MSC: variants seen among roughly 807,000 people sequenced by gnomAD.
MSC encodes activated B-cell factor 1, homolog of mouse musculin.
A neutral mutation model predicts 14.4 loss-of-function variants in MSC; 16 were observed. The observed-to-expected ratio is 1.11, with a 90% CI of 0.75 to 1.69. The LOEUF (loss-of-function observed/expected upper bound fraction) is 1.69, where lower values mean the gene tolerates loss of function less well. Among genes scored for constraint, MSC ranks in the 40% most tolerant of loss-of-function variants. The probability of loss-of-function intolerance (pLI) is 0.00; values close to 1 mark genes in which losing one functional copy is unlikely to be tolerated. For synonymous variants in MSC, 165 were observed against 128.5 expected (o/e 1.28, Z -1.92); for missense variants, 320 against 288.1 (o/e 1.11, Z -0.80).
chr8:71,844,343 G>C lies in MSC; in HGVS notation c.-165C>G. On this transcript the variant is annotated 5_prime_UTR_variant, in exon 1 of 2. Coordinates refer to ENST00000325509, the MANE Select transcript of MSC (RefSeq NM_005098.4). ...GGTGAGAAAGCGAGGTGGGTGGCGA[G>C]AGCGTGAGCGCCCCTCTGCTGACCC... 1.0e-6 allele frequency: 1 copy of C among 986,700 alleles called. No homozygotes were observed. The highest frequency in any genetic ancestry group is 1.4e-5 in the South Asian group (1 of 72,408). 61.1% of individuals were successfully genotyped at this position (986,700 alleles called of 1,614,324 possible).
At position 71,844,098 on chromosome 8, in the gene MSC, C is replaced by T. The variant is rs988698272; in HGVS notation, c.81G>A (p.Lys27=). The change falls in exon 1 of 2, where the codon AAG becomes AAA. Residue 27 remains lysine, a synonymous_variant. Coordinates refer to ENST00000325509, the MANE Select transcript of MSC (RefSeq NM_005098.4). ...GCTCTACGCCGCGGAGGGGCGGCCT[C>T]TTGGAGGCGGGGACCGGGTACTCCC... The part of the protein sequence containing the change: ...LQREYPVPAS[K]RPPLRGVERS... 2 of 1,521,660 alleles carry T rather than the reference C, an allele frequency of 1.3e-6. No individual in the cohort carries two copies. Among genetic ancestry groups the T allele is most frequent in the Non-Finnish European group, 1.8e-6 (2 of 1,135,978 alleles). 94.3% of individuals were successfully genotyped at this position (1,521,660 alleles called of 1,614,324 possible). A position where few individuals can be genotyped will look rare whatever the true frequency, so the allele number is the denominator to read the frequency against.
Position 71,842,507 on chromosome 8 carries a change from C to A in MSC, c.*154G>T. The A allele has an allele frequency of 3.8e-6, 3 of 789,568 alleles. No individual in the cohort carries two copies. Among genetic ancestry groups the A allele is most frequent in the Non-Finnish European group, 6.6e-6 (3 of 456,976 alleles). 48.9% of individuals were successfully genotyped at this position (789,568 alleles called of 1,614,324 possible). On this transcript the variant is annotated 3_prime_UTR_variant, in exon 2 of 2. Coordinates refer to ENST00000325509, the MANE Select transcript of MSC (RefSeq NM_005098.4). ...GGCGCTGTGCAGTGACAGCCACACC[C>A]GCCACCTGTCACGATCACAGTTCCA... is the stretch of plus-strand genomic sequence containing the variant.
chr8:71,843,672 C>T lies in MSC; in HGVS notation c.507G>A (p.Glu169=), dbSNP rs771055767. The T allele has an allele frequency of 9.9e-6, 16 of 1,614,224 alleles. No individual in the cohort carries two copies. The South Asian group carries it at 1.8e-4, about 18-fold the overall frequency. ...LRQLLQEDRY[E]NGYVHPVNLT... ...GGTTCACTGGGTGCACGTAGCCGTTCTCATAGCGGTCCTCCTGCAACAGCT... is the reference window on the plus strand; with the variant it reads ...GGTTCACTGGGTGCACGTAGCCGTTTTCATAGCGGTCCTCCTGCAACAGCT... The change falls in exon 1 of 2, where the codon GAG becomes GAA. Residue 169 remains glutamate (E), a synonymous_variant. Transcript: ENST00000325509.
Position 71,843,753 on chromosome 8 carries a change from C to T in MSC, c.426G>A (p.Lys142=), listed in dbSNP as rs1807443636. The part of the protein sequence containing the change: ...TSLPWVPPDT[K]LSKLDTLRLA... Reference sequence around the variant, plus strand: ...GCCGGAGCGTGTCCAGCTTGGAGAGCTTAGTGTCGGGGGGCACCCAGGGCA... The same window carrying T: ...GCCGGAGCGTGTCCAGCTTGGAGAGTTTAGTGTCGGGGGGCACCCAGGGCA... The change falls in exon 1 of 2, where the codon AAG becomes AAA. Residue 142 remains lysine, a synonymous_variant. Coordinates refer to ENST00000325509, the MANE Select transcript of MSC (RefSeq NM_005098.4). 6.2e-7 allele frequency: 1 copy of T among 1,614,164 alleles called. No individual in the cohort carries two copies. Among genetic ancestry groups the T allele is most frequent in the Non-Finnish European group, 8.5e-7 (1 of 1,180,042 alleles).
rs1336314918 is a variant in MSC at position 71,842,190 on chromosome 8, G to T, written c.*471C>A. On this transcript the variant is annotated 3_prime_UTR_variant, in exon 2 of 2. Coordinates refer to ENST00000325509, the MANE Select transcript of MSC (RefSeq NM_005098.4). ...AACCCTGTCCCGACGCGGATCTCACGTCTAGACCTCTGTCTTTAAAGCGGA... is the reference window on the plus strand; with the variant it reads ...AACCCTGTCCCGACGCGGATCTCACTTCTAGACCTCTGTCTTTAAAGCGGA... The T allele has an allele frequency of 4.2e-5, 8 of 190,838 alleles. No homozygotes were observed. The highest frequency in any genetic ancestry group is 3.2e-4 in the Admixed American group (6 of 18,988). The allele number at this position is 190,838 out of a possible 1,614,324, so 11.8% of individuals were successfully genotyped here.
chr8:71,843,466 C>G (rs1215551228), intron 1 of MSC, 179 bp downstream of exon 1: 1 of 783,578 alleles, frequency 1.3e-6, no homozygotes, highest in Non-Finnish European at 2.2e-6. Context: ...GATTCTTCTT[C>G]AGGGAAATGG....
chr8:71,844,077 T>C lies in MSC; in HGVS notation c.102A>G (p.Val34=). The change falls in exon 1 of 2, where the codon GTA becomes GTG. Residue 34 remains valine (V), a synonymous_variant. Transcript: ENST00000325509. Reference sequence around the variant, plus strand: ...CACTGGGCGAGGCGTAGCTGCGCTCTACGCCGCGGAGGGGCGGCCTCTTGG... The same window carrying C: ...CACTGGGCGAGGCGTAGCTGCGCTCCACGCCGCGGAGGGGCGGCCTCTTGG... The part of the protein sequence containing the change: ...PASKRPPLRG[V]ERSYASPSDN... 5.9e-6 allele frequency: 9 copies of C among 1,524,600 alleles called. No individual in the cohort carries two copies. The highest frequency in any genetic ancestry group is 7.9e-6 in the Non-Finnish European group (9 of 1,137,928). The allele number at this position is 1,524,600 out of a possible 1,614,324, so 94.4% of individuals were successfully genotyped here.
chr8:71,844,201 C>G lies in MSC; in HGVS notation c.-23G>C. On this transcript the variant is annotated 5_prime_UTR_variant, in exon 1 of 2. Transcript: ENST00000325509. ...CATCCCGTTGTCCCCCTTGCCCACACGCGTCCTCTTTCCTCCCCCCTGGCC... is the reference window on the plus strand; with the variant it reads ...CATCCCGTTGTCCCCCTTGCCCACAGGCGTCCTCTTTCCTCCCCCCTGGCC... 4 of 1,596,472 alleles carry G rather than the reference C, an allele frequency of 2.5e-6. No homozygotes were observed. The highest frequency in any genetic ancestry group is 3.4e-6 in the Non-Finnish European group (4 of 1,170,584).
chr8:71,843,966 C>T lies in MSC; in HGVS notation c.213G>A (p.Lys71=). ...LGTAGSAEGC[K]RKRPRVAGGG... is the part of the protein sequence containing the mutation. ...CCCCAGCCACACGGGGCCGCTTCCT[C>T]TTGCAGCCTTCCGCGCTGCCGGCTG... Residue 71 remains lysine, a synonymous_variant, in exon 1 of 2, where the codon AAG becomes AAA. Coordinates refer to ENST00000325509, the MANE Select transcript of MSC (RefSeq NM_005098.4). 8 of 1,561,536 alleles carry T rather than the reference C, an allele frequency of 5.1e-6. No homozygotes were observed. Among genetic ancestry groups the T allele is most frequent in the African/African-American group, 2.7e-5 (2 of 73,614 alleles).
chr8:71,844,354 C>T lies in MSC; in HGVS notation c.-176G>A. The T allele has an allele frequency of 1.1e-6, 1 of 906,700 alleles. No individual in the cohort carries two copies. The highest frequency in any genetic ancestry group is 1.7e-6 in the Non-Finnish European group (1 of 572,964). 56.2% of individuals were successfully genotyped at this position (906,700 alleles called of 1,614,324 possible). On this transcript the variant is annotated 5_prime_UTR_variant, in exon 1 of 2. Coordinates refer to ENST00000325509, the MANE Select transcript of MSC (RefSeq NM_005098.4). ...GAGGTGGGTGGCGAGAGCGTGAGCG[C>T]CCCTCTGCTGACCCCGGGGAGCGTG...
chr8:71,844,357 C>T lies in MSC; in HGVS notation c.-179G>A. On this transcript the variant is annotated 5_prime_UTR_variant, in exon 1 of 2. Coordinates refer to ENST00000325509, the MANE Select transcript of MSC (RefSeq NM_005098.4). ...GTGGGTGGCGAGAGCGTGAGCGCCC[C>T]TCTGCTGACCCCGGGGAGCGTGGAC... is the stretch of plus-strand genomic sequence containing the variant. 1.2e-6 allele frequency: 1 copy of T among 869,332 alleles called. No homozygotes were observed. The highest frequency in any genetic ancestry group is 2.6e-5 in the East Asian group (1 of 37,864). 53.9% of individuals were successfully genotyped at this position (869,332 alleles called of 1,614,324 possible). A position where few individuals can be genotyped will look rare whatever the true frequency, so the allele number is the denominator to read the frequency against.
At position 71,842,139 on chromosome 8, in the gene MSC, G is replaced by C. The variant is rs1807393505; in HGVS notation, c.*522C>G. 5.9e-6 allele frequency: 1 copy of C among 169,678 alleles called. No individual in the cohort carries two copies. The highest frequency in any genetic ancestry group is 1.3e-5 in the Non-Finnish European group (1 of 77,130). 10.5% of individuals were successfully genotyped at this position (169,678 alleles called of 1,614,324 possible). On this transcript the variant is annotated 3_prime_UTR_variant, in exon 2 of 2. Transcript: ENST00000325509. The stretch of plus-strand genomic sequence containing the variant: ...TGGAGTACGAACCCGGCCCAGAGAA[G>C]CCACTCGCCCTTCTTTGTCACTTAA...
intron 1 of MSC, 194 bp from the exon 2 acceptor site, chr8:71,842,941 T>C (rs986622395): frequency 3.5e-6 from 2 of 564,852 alleles, no homozygotes; most frequent in South Asian, 1.8e-5. Context: ...ACTTGCCATA[T>C]CCGTTCACGC....
chr8:71,844,008 C>A lies in MSC; in HGVS notation c.171G>T (p.Glu57Asp). Residue 57 changes from glutamate (E) to aspartate (D), a missense_variant, in exon 1 of 2, where the codon GAG becomes GAT. Coordinates refer to ENST00000325509, the MANE Select transcript of MSC (RefSeq NM_005098.4). ...TGCCGGCTGTGCCCAGAGCGCAGCG[C>A]TCCTCCTCGCCGTCGGGGTCCTCCT... ...AEEEDPDGEE[E>D]RCALGTAGSA... 4 of 1,572,828 alleles carry A rather than the reference C, an allele frequency of 2.5e-6. No homozygotes were observed. Among genetic ancestry groups the A allele is most frequent in the Non-Finnish European group, 3.4e-6 (4 of 1,160,762 alleles).
chr8:71,843,815 C>T lies in MSC; in HGVS notation c.364G>A (p.Val122Met), dbSNP rs1807445370. 6.2e-7 allele frequency: 1 copy of T among 1,613,478 alleles called. No individual in the cohort carries two copies. Among genetic ancestry groups the T allele is most frequent in the African/African-American group, 1.3e-5 (1 of 74,956 alleles). The part of the protein sequence containing the change: ...ANARERARMR[V>M]LSKAFSRLKT... ...AGCCTGGAGAAGGCTTTGCTCAGCA[C>T]GCGCATCCGGGCACGCTCACGGGCG... Residue 122 changes from valine to methionine, a missense_variant, in exon 1 of 2, where the codon GTG becomes ATG. Coordinates refer to ENST00000325509, the MANE Select transcript of MSC (RefSeq NM_005098.4).
intron 1 of MSC, 41 bp from the exon 2 acceptor site, chr8:71,842,788 T>C (rs1563797593): frequency 3.8e-6 from 6 of 1,592,408 alleles, no homozygotes; most frequent in Non-Finnish European, 5.2e-6. Context: ...AGAGAAACGA[T>C]TGTCTCAAAC....
intron 1 of MSC, chr8:71,843,412 C>CT (rs35471181): frequency 0.21 from 136,391 of 642,834 alleles, 16,854 homozygotes; most frequent in African/African-American, 0.46. Context: ...ATGGCTGTCA[C>CT]TGGGGTACAA....
In MSC at chr8:71,843,915, G is replaced by A; in HGVS notation, c.264C>T (p.Gly88=). Residue 88 remains glycine (G), a synonymous_variant, in exon 1 of 2, where the codon GGC becomes GGT. Transcript: ENST00000325509. The part of the protein sequence containing the change: ...AGGGGAGGSA[G]GGGKKPLPAK... The stretch of plus-strand genomic sequence containing the variant: ...CCGGGAGGGGCTTCTTGCCACCACC[G>A]CCCGCGCTACCACCTGCGCCGCCGC... 5.1e-6 allele frequency: 8 copies of A among 1,581,822 alleles called. No homozygotes were observed. The highest frequency in any genetic ancestry group is 6.9e-6 in the Non-Finnish European group (8 of 1,165,876).
Position 71,844,353 on chromosome 8 carries a change from G to A in MSC, c.-175C>T, listed in dbSNP as rs1426953829. On this transcript the variant is annotated 5_prime_UTR_variant, in exon 1 of 2. Coordinates refer to ENST00000325509, the MANE Select transcript of MSC (RefSeq NM_005098.4). ...CGAGGTGGGTGGCGAGAGCGTGAGC[G>A]CCCCTCTGCTGACCCCGGGGAGCGT... 2 of 912,692 alleles carry A rather than the reference G, an allele frequency of 2.2e-6. No homozygotes were observed. Among genetic ancestry groups the A allele is most frequent in the African/African-American group, 1.6e-5 (1 of 61,134 alleles). The allele number at this position is 912,692 out of a possible 1,614,324, so 56.5% of individuals were successfully genotyped here. A position where few individuals can be genotyped will look rare whatever the true frequency, so the allele number is the denominator to read the frequency against.
Sources: allele counts gnomAD v4.1 joint callset, GRCh38; gene constraint gnomAD v4.1.1; transcripts MANE v1.5; gene names NCBI Gene and HGNC (gene_info 2026-07-23, HGNC 2026-07-21).